Variants in CCBE1 observed in about 807,000 individuals in gnomAD.
The protein encoded by CCBE1 is collagen and calcium-binding EGF domain-containing protein 1.
In CCBE1, 37 loss-of-function variants were observed where a neutral mutation model predicts 50.0. That is an observed-to-expected ratio of 0.74 (90% CI 0.57 to 0.97). The LOEUF (loss-of-function observed/expected upper bound fraction) is 0.97. Among genes scored for constraint, CCBE1 ranks in the 50% least tolerant of loss-of-function variants. The probability of loss-of-function intolerance (pLI) is 0.00; values close to 1 mark genes in which losing one functional copy is unlikely to be tolerated. For missense variants in CCBE1, 538 were observed against 523.8 expected (o/e 1.03, Z -0.26); for synonymous variants, 234 against 203.7 (o/e 1.15, Z -1.27).
chr18:59,435,498 T>C lies in CCBE1; in HGVS notation c.*410A>G. On this transcript the variant is annotated 3_prime_UTR_variant, in exon 11 of 11. Coordinates refer to ENST00000439986, the MANE Select transcript of CCBE1 (RefSeq NM_133459.4). ...AGTTATGGTCTATTGTGAACACACA[T>C]CTTAGAAGTAGCCTCACATTTTCTT... The C allele has an allele frequency of 3.4e-6, 1 of 294,042 alleles. No homozygotes were observed. The highest frequency in any genetic ancestry group is 6.6e-6 in the Non-Finnish European group (1 of 152,648). The allele number at this position is 294,042 out of a possible 1,614,324, so 18.2% of individuals were successfully genotyped here. A position where few individuals can be genotyped will look rare whatever the true frequency, so the allele number is the denominator to read the frequency against.
intron 2 of CCBE1, among the ~76,000 whole-genome samples, chr18:59,543,019 T>TA (rs540592248): frequency 7.2e-4 from 110 of 152,344 alleles, no homozygotes; most frequent in African/African-American, 2.6e-3. Context: ...TAAAAATTTT[T>TA]AAAGTAACAA....
intron 2 of CCBE1, among the ~76,000 whole-genome samples, chr18:59,627,347 TA>T (rs1471370892): frequency 6.6e-6 from 1 of 152,250 alleles, no homozygotes; most frequent in African/African-American, 2.4e-5. Context: ...AAAACGATTT[TA>T]ACTGAGTTAT....
chr18:59,536,021 A>T (rs1277046334), intron 2 of CCBE1, among the ~76,000 whole-genome samples: 1 of 152,210 alleles, frequency 6.6e-6, no homozygotes, highest in African/African-American at 2.4e-5. Flanking sequence ...GAAAGAAACA[A>T]AGGCTTCAAT....
chr18:59,672,037 T>C (rs556161994), intron 2 of CCBE1, among the ~76,000 whole-genome samples: 2 of 152,192 alleles, frequency 1.3e-5, no homozygotes, highest in South Asian at 2.1e-4. Flanking sequence ...TCCATTCACA[T>C]AGAATTCTAT....
intron 2 of CCBE1, among the ~76,000 whole-genome samples, chr18:59,509,412 G>A (rs1396830734): frequency 6.6e-6 from 1 of 151,974 alleles, no homozygotes; most frequent in African/African-American, 2.4e-5. Flanking sequence ...TCTATAAACT[G>A]CTATCATTTA....
chr18:59,676,566 A>G (rs554461822), intron 2 of CCBE1, among the ~76,000 whole-genome samples: 1 of 152,374 alleles, frequency 6.6e-6, no homozygotes, highest in African/African-American at 2.4e-5. Flanking sequence ...ACCATACAGT[A>G]ATATGTATTC....
rs144744446 is a variant in CCBE1, at chr18:59,469,603, G to A, written c.270C>T (p.Tyr90=). Residue 90 remains tyrosine, a synonymous_variant, in exon 4 of 11, where the codon TAC becomes TAT. Transcript: ENST00000439986. ...FVLGQCIPED[Y]DVCAEAPCEQ... ...CACAGGGAGCCTCGGCACAAACGTC[G>A]TAATCTGAAAAAGCAAAGTGAGAGC... 1.7e-5 allele frequency: 27 copies of A among 1,613,976 alleles called. No individual in the cohort carries two copies. In the African/African-American group the frequency reaches 1.9e-4, roughly 11 times the overall value.
chr18:59,539,484 G>A (rs1915385783), intron 2 of CCBE1, among the ~76,000 whole-genome samples: 1 of 152,192 alleles, frequency 6.6e-6, no homozygotes. Context: ...TAGCCTATGA[G>A]GGACTCTGAA....
At chr18:59,451,021 G>A (rs1234150891) in intron 6 of CCBE1, among the ~76,000 whole-genome samples, 3 of 152,180 alleles carry the variant, frequency 2.0e-5, no homozygotes, top group African/African-American at 7.2e-5. Context: ...TAAATTCTCA[G>A]GCCTGACTGT....
chr18:59,543,923 T>G (rs932676443), intron 2 of CCBE1, among the ~76,000 whole-genome samples: 1 of 151,976 alleles, frequency 6.6e-6, no homozygotes, highest in Non-Finnish European at 1.5e-5. Flanking sequence ...GGGATTCTGT[T>G]TGTGTTTAAA....
chr18:59,555,027 C>T (rs1484539713), intron 2 of CCBE1, among the ~76,000 whole-genome samples: 1 of 152,182 alleles, frequency 6.6e-6, no homozygotes, highest in South Asian at 2.1e-4. Flanking sequence ...TTAGATTTCT[C>T]TCATTCTAAC....
intron 2 of CCBE1, among the ~76,000 whole-genome samples, chr18:59,660,397 T>C (rs987525647): frequency 3.9e-5 from 6 of 152,132 alleles, no homozygotes; most frequent in African/African-American, 1.2e-4. Context: ...CGGTCTTGCT[T>C]AGCAAGGCAA....
At chr18:59,510,744 A>G (rs2144295016) in intron 2 of CCBE1, among the ~76,000 whole-genome samples, 1 of 152,268 alleles carries the variant, frequency 6.6e-6, no homozygotes, top group Non-Finnish European at 1.5e-5. Context: ...AACTTTCATA[A>G]ATGCTTCCTT....
intron 2 of CCBE1, among the ~76,000 whole-genome samples, chr18:59,606,372 G>A (rs965164145): frequency 6.6e-6 from 1 of 152,154 alleles, no homozygotes; most frequent in African/African-American, 2.4e-5. Context: ...CAAAGCACAT[G>A]CTTGAAATCC....
chr18:59,672,731 C>T (rs1237255114), intron 2 of CCBE1, among the ~76,000 whole-genome samples: 2 of 152,128 alleles, frequency 1.3e-5, no homozygotes, highest in African/African-American at 4.8e-5. Context: ...TTTTAGGCTA[C>T]TAAGTGTTGC....
At chr18:59,685,691 G>A (rs931078591) in intron 2 of CCBE1, 6 of 152,244 alleles carry the variant, frequency 3.9e-5, no homozygotes, top group Non-Finnish European at 8.8e-5. Flanking sequence ...CAGCCTGAAT[G>A]CTGGGAATTT....
chr18:59,537,409 C>A (rs866949813), intron 2 of CCBE1, among the ~76,000 whole-genome samples: 2 of 152,064 alleles, frequency 1.3e-5, no homozygotes, highest in African/African-American at 2.4e-5. Context: ...AATTGAATCA[C>A]GGGGGCAGTT....
chr18:59,556,679 T>G (rs1012943244), intron 2 of CCBE1, among the ~76,000 whole-genome samples: 1 of 152,150 alleles, frequency 6.6e-6, no homozygotes, highest in Non-Finnish European at 1.5e-5. Flanking sequence ...AGTTCTGAAA[T>G]TAACAATTAT....
chr18:59,514,134 G>A (rs1914258774), intron 2 of CCBE1, among the ~76,000 whole-genome samples: 1 of 152,162 alleles, frequency 6.6e-6, no homozygotes, highest in African/African-American at 2.4e-5. Context: ...CTTCAAGGGA[G>A]GGACCAATTC....
Sources: allele counts gnomAD v4.1 joint callset (sites outside exome capture counted in the v4.1 genomes callset), GRCh38; gene constraint gnomAD v4.1.1; transcripts MANE v1.5; gene names NCBI Gene and HGNC (gene_info 2026-07-23, HGNC 2026-07-21).